The following XRCC6 variants were observed in gnomAD, a reference collection of about 807,000 sequenced individuals.
The protein encoded by XRCC6 is DNA repair protein Ku70.
XRCC6 carries 5 observed loss-of-function variants against 65.7 expected under a neutral mutation model. The ratio of observed to expected loss-of-function variants is 0.08; its 90% CI spans 0.04 to 0.16. The LOEUF is 0.16. XRCC6 is among the 10% of genes least tolerant of loss of function. The pLI is 1.00. For missense variants in XRCC6, 447 were observed against 738.1 expected, an observed-to-expected ratio of 0.61 and a Z score of 4.57; for synonymous variants, 270 against 270.6, an observed-to-expected ratio of 1.00 and a Z score of 0.02.
intron 6 of XRCC6, among the ~76,000 whole-genome samples, chr22:41,646,303 GAAA>G (rs879279539): frequency 2.1e-5 from 3 of 142,256 alleles, no homozygotes; most frequent in African/African-American, 7.7e-5. Flanking sequence ...ACTCTGTCTC[GAAA>G]AAAAAAAAGC....
chr22:41,631,083 GGT>G (rs57663277), intron 3 of XRCC6, among the ~76,000 whole-genome samples: 12,170 of 149,968 alleles, frequency 0.081, 1,627 homozygotes, highest in African/African-American at 0.29. Flanking sequence ...CTGCTGGCCG[GGT>G]GGGGGGATGA....
At chr22:41,663,557 C>T in intron 12 of XRCC6, 65 bp from the exon 13 acceptor site, 1 of 1,539,230 alleles carries the variant, frequency 6.5e-7, no homozygotes, top group Non-Finnish European at 8.8e-7. Flanking sequence ...TCCCCCATGC[C>T]ATGTAGCTGG....
chr22:41,622,563 CAAAG>C (rs2067621090), intron 2 of XRCC6, among the ~76,000 whole-genome samples: 1 of 152,042 alleles, frequency 6.6e-6, no homozygotes, highest in African/African-American at 2.4e-5. Context: ...ACACATAAAA[CAAAG>C]GAAGAGAAAT....
Position 41,650,830 on chromosome 22 carries a change from G to A in XRCC6, c.1068G>A (p.Leu356=). The A allele has an allele frequency of 6.2e-7, 1 of 1,614,046 alleles. No individual in the cohort carries two copies. The highest frequency in any genetic ancestry group is 1.1e-5 in the South Asian group (1 of 91,072). The change falls in exon 8 of 13, where the codon CTG becomes CTA. Residue 356 remains leucine, a synonymous_variant. Coordinates refer to ENST00000360079, the MANE Select transcript of XRCC6 (RefSeq NM_001469.5). ...MLMGFKPLVL[L]KKHHYLRPSL... ...TGGGTTTCAAGCCGTTGGTACTGCT[G>A]AAGAAACACCATTACCTGAGGCCCT... is the stretch of plus-strand genomic sequence containing the variant.
In XRCC6 at chr22:41,639,859, C is replaced by A. The variant is rs183455373; in HGVS notation, c.773+2068C>A. 2.6e-3 allele frequency among the ~76,000 whole-genome samples: 389 copies of A among 151,420 alleles called. 1 individual carries two copies. The highest frequency in any genetic ancestry group is 4.4e-3 in the Non-Finnish European group (297 of 67,842). ...GTATTTTTAGTAGAGACGGTTTCAC[C>A]GTGTTAGCCAGGATGGTCTCGATCT... is the stretch of plus-strand genomic sequence containing the variant. On this transcript the variant is annotated intron_variant, in intron 6 of 12. Coordinates refer to ENST00000360079, the MANE Select transcript of XRCC6 (RefSeq NM_001469.5).
chr22:41,626,231 G>C (rs1029855517), intron 2 of XRCC6, among the ~76,000 whole-genome samples: 1 of 148,786 alleles, frequency 6.7e-6, no homozygotes, highest in African/African-American at 2.5e-5. Flanking sequence ...CAGCCTCTGC[G>C]TCCCAGATTC....
intron 3 of XRCC6, among the ~76,000 whole-genome samples, chr22:41,628,503 G>C (rs911594058): frequency 6.6e-6 from 1 of 152,116 alleles, no homozygotes; most frequent in African/African-American, 2.4e-5. Flanking sequence ...ACAGAAAAAA[G>C]AAGTAGGCTC....
At chr22:41,633,896 A>G (rs540675171) in intron 3 of XRCC6, among the ~76,000 whole-genome samples, 41 of 152,356 alleles carry the variant, frequency 2.7e-4, no homozygotes, top group African/African-American at 9.6e-4. Context: ...GTTGATAAGC[A>G]ATAGAAAACA....
At chr22:41,649,139 A>ATATATATATATATGTATATATATATAT (rs1555906701) in intron 7 of XRCC6, among the ~76,000 whole-genome samples, 1 of 88,736 alleles carries the variant, frequency 1.1e-5, no homozygotes, top group Non-Finnish European at 2.1e-5. Flanking sequence ...AAAAAAAAAA[A>ATATATATATATATGTATATATATATAT]ATATATATAT....
intron 8 of XRCC6, among the ~76,000 whole-genome samples, chr22:41,651,748 G>A (rs1419622156): frequency 3.3e-5 from 5 of 151,452 alleles, no homozygotes; most frequent in South Asian, 4.2e-4. Flanking sequence ...GTCTGGTCTC[G>A]AACTCCTGAC....
At chr22:41,644,230 GT>G (rs1185512189) in intron 6 of XRCC6, among the ~76,000 whole-genome samples, 4 of 152,056 alleles carry the variant, frequency 2.6e-5, no homozygotes, top group African/African-American at 9.7e-5. Flanking sequence ...AAAATTTCAG[GT>G]TTTCCCACAT....
At chr22:41,623,039 A>T (rs1168061915) in intron 2 of XRCC6, among the ~76,000 whole-genome samples, 1 of 152,024 alleles carries the variant, frequency 6.6e-6, no homozygotes, top group Non-Finnish European at 1.5e-5. Context: ...GCATTTTGAC[A>T]TTTTTGTATT....
chr22:41,634,663 A>T (rs887826106), intron 3 of XRCC6, among the ~76,000 whole-genome samples: 1 of 150,450 alleles, frequency 6.6e-6, no homozygotes, highest in East Asian at 2.0e-4. Flanking sequence ...TCCTGCCTCA[A>T]CCTCCTGAGT....
rs920798038 is a variant in XRCC6 at position 41,663,856 on chromosome 22, A to G, written c.*41A>G. 7.8e-5 allele frequency: 125 copies of G among 1,593,388 alleles called. No individual in the cohort carries two copies. The highest frequency in any genetic ancestry group is 1.0e-4 in the Non-Finnish European group (120 of 1,166,180). ...CCAGCTGCCCTTCCGCAGTGTGGCCAGGCTGCCTGGCCTTGTCCTCAGCCA... is the reference window on the plus strand; with the variant it reads ...CCAGCTGCCCTTCCGCAGTGTGGCCGGGCTGCCTGGCCTTGTCCTCAGCCA... On this transcript the variant is annotated 3_prime_UTR_variant, in exon 13 of 13. Transcript: ENST00000360079.
At chr22:41,628,272 T>G in intron 3 of XRCC6, 42 bp downstream of exon 3, 1 of 1,549,206 alleles carries the variant, frequency 6.5e-7, no homozygotes, top group Non-Finnish European at 8.9e-7. Context: ...AAAAACAGTA[T>G]TGGCTGGGCA....
At chr22:41,642,006 C>T (rs1004365709) in intron 6 of XRCC6, among the ~76,000 whole-genome samples, 4 of 152,150 alleles carry the variant, frequency 2.6e-5, no homozygotes, top group African/African-American at 9.7e-5. Flanking sequence ...CCAGGCTAGT[C>T]TCGAACTCTG....
At chr22:41,638,892 G>C (rs1216587119) in intron 6 of XRCC6, among the ~76,000 whole-genome samples, 1 of 152,102 alleles carries the variant, frequency 6.6e-6, no homozygotes, top group East Asian at 1.9e-4. Flanking sequence ...TGAGTAGTGA[G>C]TGAAAGTGAA....
chr22:41,627,185 G>T (rs1354149070), intron 2 of XRCC6, among the ~76,000 whole-genome samples: 2 of 152,172 alleles, frequency 1.3e-5, no homozygotes, highest in African/African-American at 4.8e-5. Flanking sequence ...AAAAGAGAGG[G>T]TATCTGTAGA....
At chr22:41,624,133 C>G (rs747196892) in intron 2 of XRCC6, among the ~76,000 whole-genome samples, 20 of 151,964 alleles carry the variant, frequency 1.3e-4, no homozygotes, top group Non-Finnish European at 2.5e-4. Flanking sequence ...GCCTGTAATC[C>G]CAACACTTTG....
Sources: gnomAD v4.1 joint callset for allele counts (sites outside exome capture counted in the v4.1 genomes callset) on GRCh38, gnomAD v4.1.1 for gene constraint, MANE v1.5 for transcripts, NCBI Gene and HGNC (gene_info 2026-07-23, HGNC 2026-07-21) for gene names.